IL19: variants seen among roughly 807,000 people sequenced by gnomAD.
The protein encoded by IL19 is interleukin-19.
IL19 carries 15 observed loss-of-function variants against 19.5 expected under a neutral mutation model. The ratio of observed to expected loss-of-function variants is 0.77; its 90% CI spans 0.52 to 1.19. The LOEUF is 1.19. IL19 is among the 50% of genes most tolerant of loss of function. IL19 has a pLI of 0.00. For missense variants in IL19, 199 were observed against 213.1 expected (o/e 0.93, Z 0.41); for synonymous variants, 78 against 78.3 (o/e 1.00, Z 0.02).
At chr1:206,795,624 C>A (rs192820485) in intron 1 of IL19, among the ~76,000 whole-genome samples, 212 of 152,312 alleles carry the variant, frequency 1.4e-3, no homozygotes, top group African/African-American at 4.4e-3. Flanking sequence ...CTTCCTCATT[C>A]TATGGATGGG....
chr1:206,774,823 G>A (rs192803224), intron 1 of IL19, among the ~76,000 whole-genome samples: 3 of 152,226 alleles, frequency 2.0e-5, no homozygotes, highest in East Asian at 3.9e-4. Flanking sequence ...TGGAGGGTGC[G>A]AGGCTAAGGA....
intron 2 of IL19, among the ~76,000 whole-genome samples, chr1:206,823,830 G>A (rs1676357614): frequency 6.6e-6 from 1 of 152,188 alleles, no homozygotes; most frequent in African/African-American, 2.4e-5. Context: ...GTGATGGGAA[G>A]GCTTCTCAGC....
At chr1:206,842,050 G>A (rs1558625166) in intron 6 of IL19, among the ~76,000 whole-genome samples, 1 of 152,170 alleles carries the variant, frequency 6.6e-6, no homozygotes, top group African/African-American at 2.4e-5. Context: ...GTTACTAACT[G>A]GCTGTGTGAC....
chr1:206,818,133 A>T (rs1241712520), intron 2 of IL19, among the ~76,000 whole-genome samples: 1 of 152,246 alleles, frequency 6.6e-6, no homozygotes, highest in Non-Finnish European at 1.5e-5. Context: ...GTTAGCAAGG[A>T]TATAGTAGAC....
At chr1:206,830,516 T>C (rs1429792828) in intron 2 of IL19, among the ~76,000 whole-genome samples, 1 of 152,106 alleles carries the variant, frequency 6.6e-6, no homozygotes, top group East Asian at 1.9e-4. Context: ...AACATTTATG[T>C]ATTCTGTTTT....
chr1:206,840,314 C>T, intron 5 of IL19: 1 of 468,056 alleles, frequency 2.1e-6, no homozygotes, highest in Non-Finnish European at 4.0e-6. Context: ...CCCCTGGTTT[C>T]TTTATTTCTG....
intron 1 of IL19, among the ~76,000 whole-genome samples, chr1:206,792,451 C>T (rs1352832514): frequency 6.6e-6 from 1 of 151,952 alleles, no homozygotes; most frequent in Admixed American, 6.6e-5. Context: ...ATTCACAATC[C>T]CCCCACCCCG....
At chr1:206,789,521 CT>C (rs1198367654) in intron 1 of IL19, among the ~76,000 whole-genome samples, 2 of 152,106 alleles carry the variant, frequency 1.3e-5, no homozygotes, top group Non-Finnish European at 2.9e-5. Flanking sequence ...TTATTTTATA[CT>C]TTTTTATGGC....
intron 2 of IL19, among the ~76,000 whole-genome samples, chr1:206,813,531 GACA>G (rs1238925759): frequency 3.9e-5 from 6 of 152,032 alleles, no homozygotes; most frequent in Non-Finnish European, 7.4e-5. Context: ...TGTGAACTAA[GACA>G]ACAAGCACTG....
chr1:206,771,068 A>C lies in IL19; in HGVS notation c.-159A>C. On this transcript the variant is annotated 5_prime_UTR_variant, in exon 1 of 7. Coordinates refer to ENST00000659997, the MANE Select transcript of IL19 (RefSeq NM_153758.5). The stretch of plus-strand genomic sequence containing the variant: ...TGGCAACCCAGGTAACCCTAAGGGC[A>C]GGAGCCAAAGGTGAGTGAGAGATTG... 6.2e-7 allele frequency: 1 copy of C among 1,614,030 alleles called. No individual in the cohort carries two copies. The highest frequency in any genetic ancestry group is 2.2e-5 in the East Asian group (1 of 44,888).
intron 2 of IL19, among the ~76,000 whole-genome samples, chr1:206,810,720 C>T (rs1230817698): frequency 1.3e-5 from 2 of 152,194 alleles, no homozygotes; most frequent in Admixed American, 6.5e-5. Context: ...GTTTGGATGC[C>T]TGTCCCCTCC....
chr1:206,774,419 C>T (rs987255566), intron 1 of IL19, among the ~76,000 whole-genome samples: 1 of 152,162 alleles, frequency 6.6e-6, no homozygotes, highest in Admixed American at 6.5e-5. Context: ...CTGGGTTTCC[C>T]CTTCTTGCAC....
intron 2 of IL19, among the ~76,000 whole-genome samples, chr1:206,803,986 C>T (rs1218816904): frequency 1.3e-5 from 2 of 152,202 alleles, no homozygotes; most frequent in African/African-American, 4.8e-5. Flanking sequence ...ATTATTCCAG[C>T]TTGAACACTA....
intron 3 of IL19, 27 bp downstream of exon 3, chr1:206,836,833 G>C: frequency 6.2e-7 from 1 of 1,613,636 alleles, no homozygotes; most frequent in Non-Finnish European, 8.5e-7. Context: ...GTAAAGGTGT[G>C]GATGACGGAG....
At chr1:206,827,514 C>G (rs1239149822) in intron 2 of IL19, among the ~76,000 whole-genome samples, 1 of 151,964 alleles carries the variant, frequency 6.6e-6, no homozygotes, top group Non-Finnish European at 1.5e-5. Context: ...CACAGTGAAA[C>G]CCCGTCTCTA....
chr1:206,811,395 G>C (rs1295217371), intron 2 of IL19, among the ~76,000 whole-genome samples: 1 of 143,514 alleles, frequency 7.0e-6, no homozygotes, highest in South Asian at 2.2e-4. Flanking sequence ...AGTGAGCCGA[G>C]ATCTCGCCAC....
At chr1:206,834,686 G>A (rs1676724642) in intron 2 of IL19, among the ~76,000 whole-genome samples, 1 of 152,172 alleles carries the variant, frequency 6.6e-6, no homozygotes, top group South Asian at 2.1e-4. Context: ...ACTGTGTTGG[G>A]CACTTTATAA....
intron 2 of IL19, 84 bp from the exon 3 acceptor site, chr1:206,836,577 C>T (rs1676801341): frequency 7.6e-7 from 1 of 1,319,148 alleles, no homozygotes; most frequent in East Asian, 2.3e-5. Context: ...GCCTTCGAGG[C>T]TGGAAAGGAG....
chr1:206,804,094 C>T (rs1042207707), intron 2 of IL19, among the ~76,000 whole-genome samples: 7 of 152,202 alleles, frequency 4.6e-5, no homozygotes, highest in Admixed American at 2.6e-4. Flanking sequence ...TCTTCTCTCA[C>T]GCTTCTTGCA....
Sources: gnomAD v4.1 joint callset for allele counts (sites outside exome capture counted in the v4.1 genomes callset) on GRCh38, gnomAD v4.1.1 for gene constraint, MANE v1.5 for transcripts, NCBI Gene and HGNC (gene_info 2026-07-23, HGNC 2026-07-21) for gene names.